Variants in DNAH2 observed in about 807,000 individuals in gnomAD.
DNAH2 encodes the protein dynein axonemal heavy chain 2.
DNAH2 carries 323 observed loss-of-function variants against 523.5 expected under a neutral mutation model. The ratio of observed to expected loss-of-function variants is 0.62; its 90% confidence interval spans 0.56 to 0.68. DNAH2 has a LOEUF of 0.68. DNAH2 is among the 30% of genes least tolerant of loss of function. The pLI, the probability that DNAH2 is intolerant of heterozygous loss-of-function variation, is 0.00. For missense variants in DNAH2, 4,907 were observed against 5,701.5 expected (o/e 0.86, Z 4.49); for synonymous variants, 2,093 against 2,177.4 (o/e 0.96, Z 1.08).
chr17:7,756,353 G>T (rs953886715), intron 12 of DNAH2, among the ~76,000 whole-genome samples: 6 of 152,114 alleles, frequency 3.9e-5, no homozygotes, highest in Admixed American at 3.9e-4. Context: ...TTGGCTCACT[G>T]CAACCTCCAC....
intron 24 of DNAH2, 148 bp from the exon 25 acceptor site, chr17:7,770,104 G>A (rs1486139582): frequency 9.5e-7 from 1 of 1,057,316 alleles, no homozygotes; most frequent in East Asian, 2.7e-5. Flanking sequence ...TATTCCCCTG[G>A]TGCCTAAGAT....
rs1171919816 is a variant in DNAH2 at position 7,804,506 on chromosome 17, C to A, written c.9183+40C>A. On this transcript the variant is annotated intron_variant, in intron 59 of 85. Coordinates refer to ENST00000572933, the MANE Select transcript of DNAH2 (RefSeq NM_020877.5). Reference sequence around the variant, plus strand: ...CCCACCCCCCGTGCCCCACTCCCACCAGTGCCGGCTACTGCGTCAGGGAAC... The same window carrying A: ...CCCACCCCCCGTGCCCCACTCCCACAAGTGCCGGCTACTGCGTCAGGGAAC... The A allele has an allele frequency of 7.5e-6, 12 of 1,603,520 alleles. No individual in the cohort carries two copies. In the East Asian group the frequency reaches 2.2e-4, roughly 30 times the overall value.
Position 7,758,634 on chromosome 17 carries a change from C to A in DNAH2, c.2191C>A (p.Arg731Ser), listed in dbSNP as rs772733027. 4 of 1,612,756 alleles carry A rather than the reference C, an allele frequency of 2.5e-6. No homozygotes were observed. The highest frequency in any genetic ancestry group is 1.1e-5 in the South Asian group (1 of 90,844). Residue 731 changes from arginine (R) to serine (S), a missense_variant, in exon 14 of 86, where the codon CGT (arginine) becomes AGT (serine). By Grantham distance (110) the Arg-to-Ser change is moderately radical. Coordinates refer to ENST00000572933, the MANE Select transcript of DNAH2 (RefSeq NM_020877.5). The stretch of plus-strand genomic sequence containing the variant: ...CAGTGCCTTCTTCATCACGGAGTGC[C>A]GTATACATGCCAGCAAGGTGGGCCA... ...GASAFFITEC[R>S]IHASKVQMIV...
At chr17:7,800,576 T>A (rs923165990) in intron 56 of DNAH2, among the ~76,000 whole-genome samples, 1 of 150,856 alleles carries the variant, frequency 6.6e-6, no homozygotes. Context: ...ACCTTAAAAA[T>A]TTTTTTTTGT....
intron 3 of DNAH2, among the ~76,000 whole-genome samples, chr17:7,726,245 A>G (rs1187048512): frequency 6.6e-6 from 1 of 151,430 alleles, no homozygotes; most frequent in African/African-American, 2.4e-5. Context: ...ACCTCAGGTG[A>G]TCCACCCGCC....
intron 44 of DNAH2, 110 bp downstream of exon 44, chr17:7,788,354 G>A: frequency 7.4e-7 from 1 of 1,343,970 alleles, no homozygotes; most frequent in Non-Finnish European, 1.0e-6. Context: ...AGGCTTGAGT[G>A]GAGCAGAGAC....
chr17:7,779,370 G>C lies in DNAH2; in HGVS notation c.5669G>C (p.Gly1890Ala), dbSNP rs1329221455. Residue 1890 changes from glycine (G) to alanine (A), a missense_variant, in exon 36 of 86, where the codon GGC (glycine) becomes GCC (alanine). By Grantham distance (60) the Gly-to-Ala change is moderately conservative. Around this residue, in one of 3 missense-constraint regions of DNAH2, gnomAD observed 2,806 missense variants for 3,190.8 expected, o/e 0.88. Coordinates refer to ENST00000572933, the MANE Select transcript of DNAH2 (RefSeq NM_020877.5). ...AAGLTHFHFD[G>A]FEINLVWSCG... ...GGCCTCACCCATTTCCATTTTGATG[G>C]CTTTGAAATAAATCTGGTGTGGTCC... The C allele has an allele frequency of 5.6e-6, 9 of 1,613,946 alleles. No homozygotes were observed. Among genetic ancestry groups the C allele is most frequent in the Non-Finnish European group, 6.8e-6 (8 of 1,180,004 alleles).
Position 7,764,179 on chromosome 17 carries a change from T to G in DNAH2, c.3242T>G (p.Leu1081Arg). The change falls in exon 20 of 86, where the codon CTG becomes CGG. Residue 1081 changes from leucine to arginine, a missense_variant. This residue lies in a region of DNAH2 where 2,806 missense variants were observed against 3,190.8 expected (regional missense o/e 0.88). Coordinates refer to ENST00000572933, the MANE Select transcript of DNAH2 (RefSeq NM_020877.5). ...GTCAGCTTGCAGCTCGTGGATGCCC[T>G]GAAGCACGACTTGGCCAACGTGGAG... The part of the protein sequence containing the change: ...LGVSLQLVDA[L>R]KHDLANVETQ... 6.2e-7 allele frequency: 1 copy of G among 1,614,154 alleles called. No individual in the cohort carries two copies. Among genetic ancestry groups the G allele is most frequent in the Non-Finnish European group, 8.5e-7 (1 of 1,180,018 alleles).
At chr17:7,733,629 C>T (rs1460424301) in intron 5 of DNAH2, among the ~76,000 whole-genome samples, 2 of 151,962 alleles carry the variant, frequency 1.3e-5, no homozygotes, top group African/African-American at 4.8e-5. Flanking sequence ...AGGCACATGC[C>T]ACCACGCCTG....
intron 11 of DNAH2, among the ~76,000 whole-genome samples, chr17:7,741,293 T>TCTTC (rs770097953): frequency 0.015 from 897 of 61,524 alleles, 28 homozygotes; most frequent in Non-Finnish European, 0.019. Flanking sequence ...TTTCTTTCTT[T>TCTTC]CTTCCTTCCT....
In DNAH2 at chr17:7,817,827, A is replaced by C. The variant is rs2077720819; in HGVS notation, c.10207A>C (p.Lys3403Gln). The change falls in exon 67 of 86, where the codon AAA becomes CAA. Residue 3403 changes from lysine (K) to glutamine (Q), a missense_variant. By Grantham distance (53) the Lys-to-Gln change is moderately conservative. Transcript: ENST00000572933. The stretch of plus-strand genomic sequence containing the variant: ...GATCGACCCTCAGGCCCAGGCCCTG[A>C]AATGGATTAAGAACATGGAAGGAGG... ...LMIDPQAQAL[K>Q]WIKNMEGGQG... 1 of 1,613,940 alleles carries C rather than the reference A, an allele frequency of 6.2e-7. No homozygotes were observed. The highest frequency in any genetic ancestry group is 8.5e-7 in the Non-Finnish European group (1 of 1,180,010).
chr17:7,798,282 A>G lies in DNAH2; in HGVS notation c.8356A>G (p.Ile2786Val). The G allele has an allele frequency of 1.2e-6, 2 of 1,613,608 alleles. No individual in the cohort carries two copies. Among genetic ancestry groups the G allele is most frequent in the Non-Finnish European group, 1.7e-6 (2 of 1,179,588 alleles). Residue 2786 changes from isoleucine (I) to valine (V), a missense_variant, in exon 54 of 86, where the codon ATC (isoleucine) becomes GTC (valine). By Grantham distance (29) the Ile-to-Val change is conservative. Transcript: ENST00000572933. The surrounding 1 kb of genome is among the most constrained non-coding windows in gnomAD (Gnocchi z 5.5). ...SSICDYTTFQ[I>V]EVTKHYRKQE... ...CATCTGCGACTACACCACCTTCCAGATCGAGGTCACCAAACATTATCGGAA... is the reference window on the plus strand; with the variant it reads ...CATCTGCGACTACACCACCTTCCAGGTCGAGGTCACCAAACATTATCGGAA...
rs2075037811 is a variant in DNAH2 at position 7,733,118 on chromosome 17, A to G, written c.431A>G (p.Gln144Arg). The G allele has an allele frequency of 6.2e-7, 1 of 1,614,020 alleles. No individual in the cohort carries two copies. Among genetic ancestry groups the G allele is most frequent in the Non-Finnish European group, 8.5e-7 (1 of 1,180,028 alleles). Residue 144 changes from glutamine to arginine, a missense_variant, in exon 5 of 86, where the codon CAA becomes CGA. This residue lies in a region of DNAH2 where 2,806 missense variants were observed against 3,190.8 expected (regional missense o/e 0.88). Transcript: ENST00000572933. ...AACCAGCTTGTCTACTTCATTCGCC[A>G]AGCACCAGTTCCCATCACCTGGGAG... is the stretch of plus-strand genomic sequence containing the variant. The part of the protein sequence containing the change: ...TQNQLVYFIR[Q>R]APVPITWENF...
intron 11 of DNAH2, 34 bp from the exon 12 acceptor site, chr17:7,742,894 G>T: frequency 7.1e-7 from 1 of 1,413,134 alleles, no homozygotes; most frequent in Non-Finnish European, 9.2e-7. Flanking sequence ...AAGGTGGCAG[G>T]CCGACTCCAC....
intron 13 of DNAH2, among the ~76,000 whole-genome samples, chr17:7,757,483 T>G (rs2075877729): frequency 6.6e-6 from 1 of 152,146 alleles, no homozygotes; most frequent in Non-Finnish European, 1.5e-5. Flanking sequence ...ACTGGTCACT[T>G]GTACCATATA....
In DNAH2 at chr17:7,790,699, C is replaced by T. The variant is rs1419716675; in HGVS notation, c.6901-1218C>T. 2.7e-5 allele frequency among the ~76,000 whole-genome samples: 4 copies of T among 145,852 alleles called. No homozygotes were observed. The Admixed American group carries it at 2.9e-4, about 11-fold the overall frequency. On this transcript the variant is annotated intron_variant, in intron 44 of 85. Transcript: ENST00000572933. Reference sequence around the variant, plus strand: ...TGTAGTATGTTTGTGTATGTCATTCCAGACCTCTTTTTTAATTTTTTTTTT... The same window carrying T: ...TGTAGTATGTTTGTGTATGTCATTCTAGACCTCTTTTTTAATTTTTTTTTT...
intron 77 of DNAH2, among the ~76,000 whole-genome samples, chr17:7,825,468 G>A (rs2077993215): frequency 6.6e-6 from 1 of 152,080 alleles, no homozygotes; most frequent in Non-Finnish European, 1.5e-5. Flanking sequence ...TGGCCACTTG[G>A]GGCAGCTGTC....
At chr17:7,724,742 C>CTT (rs57294591) in intron 3 of DNAH2, among the ~76,000 whole-genome samples, 9 of 130,446 alleles carry the variant, frequency 6.9e-5, no homozygotes, top group Non-Finnish European at 7.8e-5. Flanking sequence ...TCATATGTTA[C>CTT]TTTTTTTTTT....
At position 7,816,724 on chromosome 17, in the gene DNAH2, G is replaced by A; in HGVS notation, c.9883G>A (p.Glu3295Lys). 1 of 1,613,804 alleles carries A rather than the reference G, an allele frequency of 6.2e-7. No homozygotes were observed. Among genetic ancestry groups the A allele is most frequent in the Non-Finnish European group, 8.5e-7 (1 of 1,180,036 alleles). Reference sequence around the variant, plus strand: ...GGCTGGCGAGAAGGCCAGATGGGAGGAGACAGTCCAGGTGAGATCAGCTGT... The same window carrying A: ...GGCTGGCGAGAAGGCCAGATGGGAGAAGACAGTCCAGGTGAGATCAGCTGT... ...GLAGEKARWEETVQGLEEDLG... is the reference protein window; with the variant it reads ...GLAGEKARWEKTVQGLEEDLG... Residue 3295 changes from glutamate to lysine, a missense_variant, in exon 64 of 86, where the codon GAG becomes AAG. Physicochemically the swap from Glu to Lys is moderately conservative, Grantham distance 56 (BLOSUM62 1). Coordinates refer to ENST00000572933, the MANE Select transcript of DNAH2 (RefSeq NM_020877.5).
Sources: gnomAD v4.1 joint callset for allele counts (sites outside exome capture counted in the v4.1 genomes callset) on GRCh38, gnomAD v4.1.1 for gene constraint, gnomAD v4.1.1 regional missense constraint, Gnocchi (gnomAD v3.1) non-coding constraint, MANE v1.5 for transcripts, NCBI Gene and HGNC (gene_info 2026-07-23, HGNC 2026-07-21) for gene names.